TAFA1: variants seen among roughly 807,000 people sequenced by gnomAD.
TAFA1 encodes TAFA chemokine like family member 1, also known as chemokine-like protein TAFA-1.
A neutral mutation model predicts 18.5 loss-of-function variants in TAFA1; 4 were observed. The observed-to-expected ratio is 0.22, with a 90% CI of 0.11 to 0.49. TAFA1 has a LOEUF of 0.49. Among genes scored for constraint, TAFA1 ranks in the 20% least tolerant of loss-of-function variants. The pLI is 0.98. For missense variants in TAFA1, 147 were observed against 169.0 expected (o/e 0.87, Z 0.72); for synonymous variants, 56 against 55.2 (o/e 1.01, Z -0.06).
intron 2 of TAFA1, among the ~76,000 whole-genome samples, chr3:68,212,414 C>G (rs1324573167): frequency 6.6e-6 from 1 of 151,924 alleles, no homozygotes; most frequent in Non-Finnish European, 1.5e-5. Context: ...TTGGGATGCT[C>G]AGTCTTGCTA....
At chr3:68,232,845 C>T (rs2066887718) in intron 2 of TAFA1, among the ~76,000 whole-genome samples, 1 of 152,028 alleles carries the variant, frequency 6.6e-6, no homozygotes, top group Admixed American at 6.6e-5. Context: ...CTTGAGTGAT[C>T]CTCTCTGTTT....
At chr3:68,099,235 T>C (rs1335958123) in intron 2 of TAFA1, among the ~76,000 whole-genome samples, 1 of 152,038 alleles carries the variant, frequency 6.6e-6, no homozygotes, top group Non-Finnish European at 1.5e-5. Flanking sequence ...CAAAAGGGGA[T>C]AAAGTATTCA....
At chr3:68,217,318 C>T (rs1225261208) in intron 2 of TAFA1, among the ~76,000 whole-genome samples, 1 of 151,796 alleles carries the variant, frequency 6.6e-6, no homozygotes, top group African/African-American at 2.4e-5. Context: ...AACCCATAAT[C>T]CCAGTCTAAT....
At chr3:68,337,248 G>T (rs538324826) in intron 2 of TAFA1, among the ~76,000 whole-genome samples, 1 of 152,252 alleles carries the variant, frequency 6.6e-6, no homozygotes, top group African/African-American at 2.4e-5. Flanking sequence ...GAAGGCAGAC[G>T]GGAAGCAGCA....
At chr3:68,186,073 G>A (rs1378156042) in intron 2 of TAFA1, among the ~76,000 whole-genome samples, 4 of 152,008 alleles carry the variant, frequency 2.6e-5, no homozygotes, top group African/African-American at 4.8e-5. Flanking sequence ...AGCAACATGA[G>A]GCTTTCTCCT....
Position 68,386,884 on chromosome 3 carries a change from A to G in TAFA1, c.119-30396A>G, listed in dbSNP as rs2070116367. Among the ~76,000 whole-genome samples, 3 of 152,244 alleles carry G rather than the reference A, an allele frequency of 2.0e-5. 1 individual carries two copies. In the South Asian group the frequency reaches 6.2e-4, roughly 32 times the overall value. ...GCATAAGAATTAGGTCCTAGGAACA[A>G]TTTCCCATGAGATCAATTTGCAAGA... On this transcript the variant is annotated intron_variant, in intron 2 of 4. Transcript: ENST00000478136.
At chr3:68,314,273 T>A (rs541161116) in intron 2 of TAFA1, among the ~76,000 whole-genome samples, 7 of 152,332 alleles carry the variant, frequency 4.6e-5, no homozygotes, top group African/African-American at 1.7e-4. Context: ...ATTAAATTCG[T>A]ATTGGAACAC....
At chr3:68,226,462 C>A (rs539444876) in intron 2 of TAFA1, among the ~76,000 whole-genome samples, 32 of 152,212 alleles carry the variant, frequency 2.1e-4, no homozygotes, top group Non-Finnish European at 4.4e-4. Flanking sequence ...CCACTCCACT[C>A]TCACATACTC....
intron 2 of TAFA1, among the ~76,000 whole-genome samples, chr3:68,337,512 T>G (rs2068994203): frequency 6.6e-6 from 1 of 152,158 alleles, no homozygotes; most frequent in Admixed American, 6.5e-5. Flanking sequence ...AAAAGTTGCT[T>G]TGGTATACAA....
intron 2 of TAFA1, among the ~76,000 whole-genome samples, chr3:68,090,478 C>T (rs2065017268): frequency 6.6e-6 from 1 of 152,170 alleles, no homozygotes; most frequent in South Asian, 2.1e-4. Context: ...GAAAAGACAT[C>T]TTAGCCAGTG....
intron 2 of TAFA1, among the ~76,000 whole-genome samples, chr3:68,223,954 C>A (rs12486610): frequency 0.3 from 45,670 of 149,780 alleles, 8,091 homozygotes; most frequent in Non-Finnish European, 0.39. Context: ...TTTGACTAAA[C>A]CTTAATCCAG....
intron 3 of TAFA1, among the ~76,000 whole-genome samples, chr3:68,496,950 G>A (rs1203439662): frequency 6.6e-6 from 1 of 152,044 alleles, no homozygotes; most frequent in Non-Finnish European, 1.5e-5. Flanking sequence ...TACTGCTACT[G>A]CTGTTGTTAC....
At chr3:68,393,768 G>A (rs796994176) in intron 2 of TAFA1, among the ~76,000 whole-genome samples, 6 of 152,142 alleles carry the variant, frequency 3.9e-5, no homozygotes, top group African/African-American at 1.4e-4. Flanking sequence ...AAAATTACGT[G>A]ATTATCTCAA....
chr3:68,388,954 C>T (rs561397942), intron 2 of TAFA1, among the ~76,000 whole-genome samples: 1 of 152,078 alleles, frequency 6.6e-6, no homozygotes, highest in Non-Finnish European at 1.5e-5. Context: ...TTAATTTATA[C>T]TTTTTGAGTG....
At chr3:68,509,778 A>C (rs2072818648) in intron 3 of TAFA1, among the ~76,000 whole-genome samples, 1 of 152,126 alleles carries the variant, frequency 6.6e-6, no homozygotes, top group Non-Finnish European at 1.5e-5. Context: ...AGAAGAGCAA[A>C]GGAAAGTCCC....
At chr3:68,454,610 C>T (rs2071624227) in intron 3 of TAFA1, among the ~76,000 whole-genome samples, 1 of 152,180 alleles carries the variant, frequency 6.6e-6, no homozygotes, top group South Asian at 2.1e-4. Context: ...CTTCCATCCT[C>T]ATCTGAGCTC....
Position 68,007,415 on chromosome 3 carries a change from C to T in TAFA1, c.118+671C>T, listed in dbSNP as rs149961142. On this transcript the variant is annotated intron_variant, in intron 2 of 4. Coordinates refer to ENST00000478136, the MANE Select transcript of TAFA1 (RefSeq NM_213609.4). ...TTAATGTTCAAAGTATATTTCTCACCCTTCCACGGCCTCGCTCTTCATTCT... is the reference window on the plus strand; with the variant it reads ...TTAATGTTCAAAGTATATTTCTCACTCTTCCACGGCCTCGCTCTTCATTCT... Among the ~76,000 whole-genome samples the T allele has an allele frequency of 2.0e-5, 3 of 152,242 alleles. No homozygotes were observed. In the East Asian group the frequency reaches 5.8e-4, roughly 29 times the overall value.
chr3:68,449,187 C>T (rs1289304859), intron 3 of TAFA1, among the ~76,000 whole-genome samples: 3 of 152,158 alleles, frequency 2.0e-5, no homozygotes, highest in Admixed American at 6.5e-5. Flanking sequence ...CTGCAGGAGG[C>T]GGTGTACCAA....
intron 3 of TAFA1, among the ~76,000 whole-genome samples, chr3:68,488,568 T>C (rs961567615): frequency 2.0e-5 from 3 of 152,168 alleles, no homozygotes; most frequent in Admixed American, 2.0e-4. Context: ...CCTATTTGGG[T>C]TCAAGTCCAG....
Sources: gnomAD v4.1 joint callset for allele counts (sites outside exome capture counted in the v4.1 genomes callset) on GRCh38, gnomAD v4.1.1 for gene constraint, MANE v1.5 for transcripts, NCBI Gene and HGNC (gene_info 2026-07-23, HGNC 2026-07-21) for gene names.